Variants in GPR63 observed in about 807,000 individuals in gnomAD.
GPR63 encodes G protein-coupled receptor 63.
Under a neutral mutation model 23.1 loss-of-function variants are expected in GPR63, and 12 were observed. That is an observed-to-expected ratio of 0.52 (90% CI 0.33 to 0.84). The LOEUF (loss-of-function observed/expected upper bound fraction) is 0.84. Ranked by LOEUF, GPR63 falls within the 40% of genes least tolerant of loss-of-function variation. The pLI, the probability that GPR63 is intolerant of heterozygous loss-of-function variation, is 0.02. For synonymous variants in GPR63, 172 were observed against 191.1 expected, an observed-to-expected ratio of 0.90 and a Z score of 0.82; for missense variants, 472 against 515.6, an observed-to-expected ratio of 0.92 and a Z score of 0.82.
At chr6:96,831,293 A>G (rs888472353) in intron 1 of GPR63, among the ~76,000 whole-genome samples, 1 of 152,208 alleles carries the variant, frequency 6.6e-6, no homozygotes, top group African/African-American at 2.4e-5. Flanking sequence ...TAACATTTAT[A>G]GTTATAACTG....
At chr6:96,800,651 A>T (rs1299774044) in intron 1 of GPR63, among the ~76,000 whole-genome samples, 2 of 152,186 alleles carry the variant, frequency 1.3e-5, no homozygotes, top group Non-Finnish European at 2.9e-5. Flanking sequence ...TTATTTTACT[A>T]AAGCTCTCTT....
intron 1 of GPR63, among the ~76,000 whole-genome samples, chr6:96,811,578 T>C (rs1774045206): frequency 6.6e-6 from 1 of 152,190 alleles, no homozygotes; most frequent in Non-Finnish European, 1.5e-5. Flanking sequence ...TGGTCCTACC[T>C]TCATTCCTAT....
rs1183415128 is a variant in GPR63, at chr6:96,798,485, C to T, written c.1247G>A (p.Arg416Gln). The T allele has an allele frequency of 3.1e-6, 5 of 1,612,518 alleles. No homozygotes were observed. The highest frequency in any genetic ancestry group is 2.2e-5 in the South Asian group (2 of 91,018). The stretch of plus-strand genomic sequence containing the variant: ...CAGTTCCAATATTCACACCACCGTC[C>T]GATGTTCCCCACACACATAGACAGC... ...PSAVYVCGEH[R>Q]TVV Residue 416 changes from arginine to glutamine, a missense_variant, in exon 2 of 2, where the codon CGG (arginine) becomes CAG (glutamine). Transcript: ENST00000229955.
At chr6:96,802,633 G>T (rs1773799102) in intron 1 of GPR63, among the ~76,000 whole-genome samples, 1 of 149,814 alleles carries the variant, frequency 6.7e-6, no homozygotes, top group South Asian at 2.1e-4. Context: ...TCCACCTCCT[G>T]GGTTCACGTC....
chr6:96,835,571 C>T (rs563943316), intron 1 of GPR63, among the ~76,000 whole-genome samples: 1 of 152,282 alleles, frequency 6.6e-6, no homozygotes, highest in East Asian at 1.9e-4. Context: ...TTCTTGCTTG[C>T]AGTCCAGCAA....
chr6:96,799,902 C>A, intron 1 of GPR63, 21 bp from the exon 2 acceptor site: 1 of 650,948 alleles, frequency 1.5e-6, no homozygotes, highest in South Asian at 2.0e-5. Flanking sequence ...AACCAAAACA[C>A]AAAAAGTAAA....
chr6:96,819,696 A>G, intron 1 of GPR63, among the ~76,000 whole-genome samples: 1 of 151,742 alleles, frequency 6.6e-6, no homozygotes, highest in Non-Finnish European at 1.5e-5. Flanking sequence ...AATAAAAAGA[A>G]AGAAAAAGAA....
intron 1 of GPR63, among the ~76,000 whole-genome samples, chr6:96,834,695 A>T (rs1345234372): frequency 6.6e-6 from 1 of 152,232 alleles, no homozygotes; most frequent in East Asian, 1.9e-4. Flanking sequence ...ACTTCATTTC[A>T]TTTCTAATTT....
chr6:96,799,433 A>C lies in GPR63; in HGVS notation c.299T>G (p.Leu100Trp). 1 of 1,614,146 alleles carries C rather than the reference A, an allele frequency of 6.2e-7. No individual in the cohort carries two copies. The highest frequency in any genetic ancestry group is 1.7e-5 in the Admixed American group (1 of 60,014). ...TTGGTAAACCATGAGGCAAACAACC[A>C]AGTTCCCAAGAAAAGACACAAACAG... ...FILFVSFLGN[L>W]VVCLMVYQKA... The change falls in exon 2 of 2, where the codon TTG (leucine) becomes TGG (tryptophan). Residue 100 changes from leucine (L) to tryptophan (W), a missense_variant. By Grantham distance (61) the Leu-to-Trp change is moderately conservative. Coordinates refer to ENST00000229955, the MANE Select transcript of GPR63 (RefSeq NM_030784.4).
chr6:96,831,290 T>C (rs1434104969), intron 1 of GPR63, among the ~76,000 whole-genome samples: 1 of 152,214 alleles, frequency 6.6e-6, no homozygotes, highest in East Asian at 1.9e-4. Flanking sequence ...AGGTAACATT[T>C]ATAGTTATAA....
rs33941793 is a variant in GPR63 at position 96,796,848 on chromosome 6, C to CA, written c.*1623dup. On this transcript the variant is annotated 3_prime_UTR_variant, in exon 2 of 2. Transcript: ENST00000229955. The stretch of plus-strand genomic sequence containing the variant: ...AGTCACTTGTTTTGCAAATCAAAAA[C>CA]AAAAAAAAAAATCACTGGTTTTGCT... The CA allele has an allele frequency of 1.1e-3, 167 of 147,650 alleles. No individual in the cohort carries two copies. Among genetic ancestry groups the CA allele is most frequent in the South Asian group, 7.3e-3 (34 of 4,656 alleles). The allele number at this position is 147,650 out of a possible 1,614,324, so 9.1% of individuals were successfully genotyped here.
At chr6:96,830,394 C>T (rs1361726825) in intron 1 of GPR63, among the ~76,000 whole-genome samples, 1 of 152,150 alleles carries the variant, frequency 6.6e-6, no homozygotes, top group Non-Finnish European at 1.5e-5. Context: ...CTATCCATGC[C>T]TGTTACATTC....
chr6:96,801,127 T>A (rs1246526724), intron 1 of GPR63, among the ~76,000 whole-genome samples: 1 of 152,124 alleles, frequency 6.6e-6, no homozygotes, highest in African/African-American at 2.4e-5. Context: ...AATAAGCTCT[T>A]AAGAGACTGG....
At chr6:96,820,452 T>C (rs1299166312) in intron 1 of GPR63, among the ~76,000 whole-genome samples, 2 of 152,160 alleles carry the variant, frequency 1.3e-5, no homozygotes, top group Admixed American at 6.5e-5. Flanking sequence ...TTAAATATGG[T>C]GCTTTACCTA....
intron 1 of GPR63, among the ~76,000 whole-genome samples, chr6:96,807,146 T>C (rs1409190800): frequency 6.6e-6 from 1 of 152,268 alleles, no homozygotes; most frequent in African/African-American, 2.4e-5. Context: ...ATAGCAACTT[T>C]CAAAAGAAGA....
In GPR63 at chr6:96,799,223, G is replaced by C. The variant is rs376866452; in HGVS notation, c.509C>G (p.Ala170Gly). ...ATCTATGCTAATGATGAGCAGGATG[G>C]CTACTCCTTCTATCACAAATAACCA... ...FFWLFVIEGV[A>G]ILLIISIDRF... is the part of the protein sequence containing the mutation. The change falls in exon 2 of 2, where the codon GCC becomes GGC. Residue 170 changes from alanine to glycine, a missense_variant. Physicochemically the swap from Ala to Gly is moderately conservative, Grantham distance 60 (BLOSUM62 0). Coordinates refer to ENST00000229955, the MANE Select transcript of GPR63 (RefSeq NM_030784.4). 2 of 1,614,140 alleles carry C rather than the reference G, an allele frequency of 1.2e-6. No individual in the cohort carries two copies. Among genetic ancestry groups the C allele is most frequent in the African/African-American group, 1.3e-5 (1 of 75,028 alleles).
intron 1 of GPR63, among the ~76,000 whole-genome samples, chr6:96,808,169 G>C (rs899028903): frequency 9.2e-5 from 14 of 152,122 alleles, no homozygotes; most frequent in African/African-American, 3.4e-4. Context: ...AATGAATCAG[G>C]ATTATATCTA....
At chr6:96,817,360 TAA>T (rs1007324433) in intron 1 of GPR63, among the ~76,000 whole-genome samples, 10 of 151,950 alleles carry the variant, frequency 6.6e-5, no homozygotes, top group African/African-American at 2.4e-4. Context: ...TATATATATA[TAA>T]AATATACCAA....
intron 1 of GPR63, among the ~76,000 whole-genome samples, chr6:96,805,370 C>T (rs188489253): frequency 3.3e-5 from 5 of 152,284 alleles, no homozygotes; most frequent in Admixed American, 1.3e-4. Flanking sequence ...GGGAGGACAG[C>T]ATCAAGGCAT....
Sources: allele counts gnomAD v4.1 joint callset (sites outside exome capture counted in the v4.1 genomes callset), GRCh38; gene constraint gnomAD v4.1.1; transcripts MANE v1.5; gene names NCBI Gene and HGNC (gene_info 2026-07-23, HGNC 2026-07-21).